Variants in IGFL2 observed in about 807,000 individuals in gnomAD.
IGFL2 encodes the protein insulin growth factor-like family member 2.
In IGFL2, 7 loss-of-function variants were observed where a neutral mutation model predicts 13.9. The observed-to-expected ratio is 0.51, with a 90% confidence interval of 0.29 to 0.95. IGFL2 has a LOEUF of 0.95. Ranked by LOEUF, IGFL2 falls within the 40% of genes least tolerant of loss-of-function variation. The pLI, the probability that IGFL2 is intolerant of heterozygous loss-of-function variation, is 0.08. For synonymous variants in IGFL2, 55 were observed against 55.8 expected (o/e 0.99, Z 0.07); for missense variants, 138 against 147.8 (o/e 0.93, Z 0.34).
At chr19:46,105,559 G>A in the IGFL2 span, among the ~76,000 whole-genome samples, 3 of 152,160 alleles carry the variant, frequency 2.0e-5, no homozygotes, top group African/African-American at 4.8e-5. Context: ...GAATAATGTG[G>A]GAGGCTGGAT....
chr19:46,149,150 CCCTCTCTCTCT>C, intron 1 of IGFL2: 1 of 217,834 alleles, frequency 4.6e-6, no homozygotes, highest in Non-Finnish European at 1.2e-5. Flanking sequence ...CTCTCTCTCT[CCCTCTCTCTCT>C]TCTCTCTCTC....
At chr19:46,145,598 ATATGTGTGTGTGTGTGTGTGTG>A (rs1455572019), upstream of IGFL2, among the ~76,000 whole-genome samples, 2 of 138,382 alleles carry the variant, frequency 1.4e-5, no homozygotes, top group Non-Finnish European at 3.1e-5. Flanking sequence ...ACACTCATAT[ATATGTGTGTGTGTGTGTGTGTG>A]TGTGTGTGTG....
At chr19:46,130,293 C>T in the IGFL2 span, among the ~76,000 whole-genome samples, 4 of 152,068 alleles carry the variant, frequency 2.6e-5, no homozygotes, top group African/African-American at 4.8e-5. Flanking sequence ...GGTTCAGGTT[C>T]ACTGTTTATT....
At chr19:46,183,063 T>G in the IGFL2 span, among the ~76,000 whole-genome samples, 1 of 152,182 alleles carries the variant, frequency 6.6e-6, no homozygotes, top group African/African-American at 2.4e-5. Flanking sequence ...ATTAATTGAC[T>G]CACAGTTCCA....
chr19:46,145,600 A>ATGTGTGTGTG (rs1024196099), upstream of IGFL2, among the ~76,000 whole-genome samples: 1,043 of 94,550 alleles, frequency 0.011, 12 homozygotes, highest in African/African-American at 0.025. Flanking sequence ...ACTCATATAT[A>ATGTGTGTGTG]TGTGTGTGTG....
chr19:46,123,913 A>C, the IGFL2 span: 1 of 1,611,210 alleles, frequency 6.2e-7, no homozygotes. Flanking sequence ...GATGGGAGAT[A>C]AGTGACACTG....
chr19:46,123,931 A>T, the IGFL2 span: 1 of 1,611,454 alleles, frequency 6.2e-7, no homozygotes, highest in Non-Finnish European at 8.5e-7. Flanking sequence ...CTGAGACTTC[A>T]TACCCAGAAC....
At chr19:46,139,956 A>G (rs1972784771), upstream of IGFL2, among the ~76,000 whole-genome samples, 1 of 151,348 alleles carries the variant, frequency 6.6e-6, no homozygotes. Flanking sequence ...ACACACACAC[A>G]TATATATTTT....
At chr19:46,101,772 G>A in the IGFL2 span, among the ~76,000 whole-genome samples, 10 of 152,218 alleles carry the variant, frequency 6.6e-5, no homozygotes, top group African/African-American at 9.7e-5. Flanking sequence ...CCGCTGTTGA[G>A]ACTGTGCAGC....
chr19:46,189,907 C>T, the IGFL2 span: 45 of 152,172 alleles, frequency 3.0e-4, 1 homozygote, highest in Admixed American at 2.3e-3. Context: ...TCTCTTGCCT[C>T]GGCACCTGGG....
At chr19:46,081,267 T>C in the IGFL2 span, among the ~76,000 whole-genome samples, 1 of 152,250 alleles carries the variant, frequency 6.6e-6, no homozygotes, top group Non-Finnish European at 1.5e-5. Context: ...TTTAAAATAT[T>C]GTCTAACTTA....
At chr19:46,109,930 G>A in the IGFL2 span, among the ~76,000 whole-genome samples, 1 of 152,180 alleles carries the variant, frequency 6.6e-6, no homozygotes, top group Non-Finnish European at 1.5e-5. Flanking sequence ...ATACATGCGG[G>A]TCACAGGGGA....
the IGFL2 span, among the ~76,000 whole-genome samples, chr19:46,100,775 C>T: frequency 6.6e-6 from 1 of 152,180 alleles, no homozygotes; most frequent in Non-Finnish European, 1.5e-5. Context: ...CAGCTTGACT[C>T]TTCCTTTTAG....
the IGFL2 span, among the ~76,000 whole-genome samples, chr19:46,197,493 G>C: frequency 1.3e-5 from 2 of 151,770 alleles, no homozygotes; most frequent in African/African-American, 4.8e-5. Flanking sequence ...TCTCCTCCTG[G>C]CTCTCCTGTC....
upstream of IGFL2, among the ~76,000 whole-genome samples, chr19:46,141,927 T>C (rs909296277): frequency 6.6e-6 from 1 of 152,178 alleles, no homozygotes; most frequent in African/African-American, 2.4e-5. Context: ...AGTATCCTTC[T>C]CCTCCTTTTA....
the IGFL2 span, among the ~76,000 whole-genome samples, chr19:46,200,516 C>CTTTTCTTTTCTCTTTTG: frequency 6.9e-6 from 1 of 145,226 alleles, no homozygotes; most frequent in Non-Finnish European, 1.5e-5. Context: ...TTTCTCTTTT[C>CTTTTCTTTTCTCTTTTG]TTTTCTTTTC....
intron 1 of IGFL2, among the ~76,000 whole-genome samples, chr19:46,151,048 A>G (rs528198025): frequency 3.3e-4 from 50 of 152,226 alleles, no homozygotes; most frequent in African/African-American, 1.1e-3. Context: ...CTGTAACTTC[A>G]TATCATTTGC....
At chr19:46,142,665 T>A (rs1972911015), upstream of IGFL2, among the ~76,000 whole-genome samples, 1 of 152,224 alleles carries the variant, frequency 6.6e-6, no homozygotes, top group Non-Finnish European at 1.5e-5. Flanking sequence ...CAGATATTAT[T>A]ACTGGGACCC....
At chr19:46,121,699 A>AT in the IGFL2 span, among the ~76,000 whole-genome samples, 1 of 150,960 alleles carries the variant, frequency 6.6e-6, no homozygotes, top group Non-Finnish European at 1.5e-5. Context: ...AGAAAGGCAG[A>AT]TTTTTTAGAA....
Sources: allele counts gnomAD v4.1 joint callset (sites outside exome capture counted in the v4.1 genomes callset), GRCh38; gene constraint gnomAD v4.1.1; transcripts MANE v1.5; gene names NCBI Gene and HGNC (gene_info 2026-07-23, HGNC 2026-07-21).